The following CD8B variants were observed in gnomAD, a reference collection of about 807,000 sequenced individuals.
CD8B encodes the protein CD8 subunit beta.
Under a neutral mutation model 24.2 loss-of-function variants are expected in CD8B, and 6 were observed. The observed-to-expected ratio is 0.25, with a 90% CI of 0.14 to 0.49. The LOEUF is 0.49. Among genes scored for constraint, CD8B ranks in the 20% least tolerant of loss-of-function variants. CD8B has a pLI of 0.98. For missense variants in CD8B, 196 were observed against 271.3 expected, an observed-to-expected ratio of 0.72 and a Z score of 1.95; for synonymous variants, 84 against 108.3, an observed-to-expected ratio of 0.78 and a Z score of 1.39.
chr2:86,828,987 A>G (rs2104510999), intron 5 of CD8B, among the ~76,000 whole-genome samples: 1 of 151,616 alleles, frequency 6.6e-6, no homozygotes, highest in South Asian at 2.1e-4. Flanking sequence ...TGTAATACTC[A>G]GATGGAAGTA....
intron 2 of CD8B, among the ~76,000 whole-genome samples, 182 bp downstream of exon 2, chr2:86,857,875 A>G (rs1249401396): frequency 1.3e-5 from 2 of 152,304 alleles, no homozygotes; most frequent in Non-Finnish European, 2.9e-5. Flanking sequence ...CAAGCTAACT[A>G]TGTAAACACT....
chr2:86,819,055 G>GTCCCA (rs1269729958), intron 5 of CD8B, among the ~76,000 whole-genome samples: 1 of 152,210 alleles, frequency 6.6e-6, no homozygotes, highest in Non-Finnish European at 1.5e-5. Flanking sequence ...CCAGAGCAAA[G>GTCCCA]TCCCAACTCT....
downstream of CD8B, among the ~76,000 whole-genome samples, chr2:86,834,588 A>T: frequency 6.6e-6 from 1 of 152,114 alleles, no homozygotes; most frequent in African/African-American, 2.4e-5. Flanking sequence ...CAAACGTGGG[A>T]TAGCTGTCCA....
rs1248873079 is a variant in CD8B at position 86,838,209 on chromosome 2, G to A, written c.*4098C>T. ...AATTGCTTTTTCCCCAACTACAAAA[G>A]TAATACATGATGTAAAAATTCACAC... On this transcript the variant is annotated 3_prime_UTR_variant, in exon 6 of 6. Coordinates refer to ENST00000390655, the MANE Select transcript of CD8B (RefSeq NM_004931.5). Among the ~76,000 whole-genome samples the A allele has an allele frequency of 2.0e-5, 3 of 152,018 alleles. No homozygotes were observed. The highest frequency in any genetic ancestry group is 6.6e-5 in the Admixed American group (1 of 15,254).
chr2:86,838,113 T>G (rs1327778666), downstream of CD8B, among the ~76,000 whole-genome samples: 1 of 152,214 alleles, frequency 6.6e-6, no homozygotes, highest in Non-Finnish European at 1.5e-5. Flanking sequence ...AATCTTTCGT[T>G]TGTGGATATT....
At chr2:86,861,171 G>A (rs930397363) in intron 1 of CD8B, among the ~76,000 whole-genome samples, 4 of 152,120 alleles carry the variant, frequency 2.6e-5, no homozygotes, top group Admixed American at 6.5e-5. Context: ...TTTTCCGGGT[G>A]TGTGGAGGCT....
downstream of CD8B, among the ~76,000 whole-genome samples, chr2:86,837,784 T>C (rs1675237208): frequency 1.0e-5 from 1 of 96,062 alleles, no homozygotes; most frequent in Admixed American, 1.7e-4. Flanking sequence ...TACTTCCCAC[T>C]GAAAGGAAGG....
chr2:86,832,611 A>G (rs1035695302), intron 5 of CD8B, among the ~76,000 whole-genome samples: 2 of 151,954 alleles, frequency 1.3e-5, no homozygotes, highest in African/African-American at 4.8e-5. Flanking sequence ...GTGAGCCACT[A>G]TGATACCCAC....
intron 5 of CD8B, among the ~76,000 whole-genome samples, chr2:86,823,991 A>G (rs1275267908): frequency 4.7e-5 from 7 of 149,974 alleles, no homozygotes; most frequent in Non-Finnish European, 7.4e-5. Context: ...TTTGTACAGC[A>G]TGTGTGTGTG....
rs1214667287 is a variant in CD8B, at chr2:86,838,340, C to T, written c.*3967G>A. On this transcript the variant is annotated 3_prime_UTR_variant, in exon 6 of 6. Transcript: ENST00000390655. ...TCCTGTACATATACAAACAAATATA[C>T]CCGGAGGCCTTGATTTATTATTAGA... 6.6e-6 allele frequency among the ~76,000 whole-genome samples: 1 copy of T among 151,970 alleles called. No individual in the cohort carries two copies. The highest frequency in any genetic ancestry group is 1.5e-5 in the Non-Finnish European group (1 of 68,008).
Position 86,840,341 on chromosome 2 carries a change from CA to C in CD8B, c.*1965del, listed in dbSNP as rs777667255. Among the ~76,000 whole-genome samples, 8 of 152,184 alleles carry C rather than the reference CA, an allele frequency of 5.3e-5. No individual in the cohort carries two copies. The highest frequency in any genetic ancestry group is 1.2e-4 in the Non-Finnish European group (8 of 68,048). On this transcript the variant is annotated 3_prime_UTR_variant, in exon 6 of 6. Coordinates refer to ENST00000390655, the MANE Select transcript of CD8B (RefSeq NM_004931.5). The stretch of plus-strand genomic sequence containing the variant: ...GCATCTAAGGCCAATTAACATACAC[CA>C]AAAGGAAAAACCCCATCTCCCCACA...
At chr2:86,843,802 A>T (rs1675544534) in intron 5 of CD8B, 2 of 383,468 alleles carry the variant, frequency 5.2e-6, no homozygotes, top group South Asian at 2.1e-4. Context: ...CTGTTAGCTC[A>T]TTTAACAGAC....
At chr2:86,850,628 C>T (rs1447236445) in intron 3 of CD8B, among the ~76,000 whole-genome samples, 1 of 152,116 alleles carries the variant, frequency 6.6e-6, no homozygotes, top group Non-Finnish European at 1.5e-5. Context: ...CACTAGGCTA[C>T]ACTGACCCAG....
chr2:86,851,404 C>G (rs1207188831), intron 3 of CD8B, among the ~76,000 whole-genome samples: 4 of 152,146 alleles, frequency 2.6e-5, no homozygotes, highest in Non-Finnish European at 4.4e-5. Context: ...CTTAGTGGCT[C>G]TATTGTATTT....
In CD8B at chr2:86,858,310, C is replaced by T; in HGVS notation, c.150G>A (p.Met50Ile). The T allele has an allele frequency of 1.2e-6, 2 of 1,613,970 alleles. No homozygotes were observed. The highest frequency in any genetic ancestry group is 8.5e-7 in the Non-Finnish European group (1 of 1,179,868). The change falls in exon 2 of 6, where the codon ATG (methionine) becomes ATA (isoleucine). Residue 50 changes from methionine to isoleucine, a missense_variant. Coordinates refer to ENST00000390655, the MANE Select transcript of CD8B (RefSeq NM_004931.5). The stretch of plus-strand genomic sequence containing the variant: ...GGCGCTGTCTCAGCCAGTAGATGCG[C>T]ATGTTACTGAGGGAGATTTTAGCCT... ...SCEAKISLSN[M>I]RIYWLRQRQA...
At chr2:86,830,724 C>A (rs1286880700) in intron 5 of CD8B, among the ~76,000 whole-genome samples, 2 of 151,916 alleles carry the variant, frequency 1.3e-5, no homozygotes, top group African/African-American at 4.8e-5. Context: ...AATGGTGGGA[C>A]CAGCCTGGAC....
At chr2:86,824,443 G>T (rs547939292) in intron 5 of CD8B, among the ~76,000 whole-genome samples, 5 of 152,168 alleles carry the variant, frequency 3.3e-5, no homozygotes. Context: ...ATTTTTAGGA[G>T]GCCAAAGGGC....
chr2:86,822,642 A>G (rs1674525063), intron 5 of CD8B, among the ~76,000 whole-genome samples: 1 of 152,230 alleles, frequency 6.6e-6, no homozygotes, highest in South Asian at 2.1e-4. Context: ...ATACACCAAG[A>G]TGCGTTTCCC....
downstream of CD8B, among the ~76,000 whole-genome samples, chr2:86,833,185 G>A (rs1489235466): frequency 6.7e-6 from 1 of 149,644 alleles, no homozygotes; most frequent in Admixed American, 6.7e-5. Context: ...GTGTTGCCAA[G>A]TTAATCTGTC....
Sources: allele counts gnomAD v4.1 joint callset (sites outside exome capture counted in the v4.1 genomes callset), GRCh38; gene constraint gnomAD v4.1.1; transcripts MANE v1.5; gene names NCBI Gene and HGNC (gene_info 2026-07-23, HGNC 2026-07-21).